SNX6: variants seen among roughly 807,000 people sequenced by gnomAD.
SNX6 encodes the protein sorting nexin-6.
SNX6 carries 34 observed loss-of-function variants against 63.0 expected under a neutral mutation model. That is an observed-to-expected ratio of 0.54 (90% CI 0.41 to 0.72). The LOEUF is 0.72. SNX6 is among the 30% of genes least tolerant of loss of function. SNX6 has a pLI of 0.00. For synonymous variants in SNX6, 170 were observed against 164.2 expected, an observed-to-expected ratio of 1.04 and a Z score of -0.27; for missense variants, 398 against 471.4, an observed-to-expected ratio of 0.84 and a Z score of 1.44.
In SNX6 at chr14:34,562,435, C is replaced by G. The variant is rs1289043689; in HGVS notation, c.*687G>C. The G allele has an allele frequency of 2.0e-5, 3 of 152,580 alleles. No individual in the cohort carries two copies. The highest frequency in any genetic ancestry group is 7.2e-5 in the African/African-American group (3 of 41,438). 9.5% of individuals were successfully genotyped at this position (152,580 alleles called of 1,614,324 possible). On this transcript the variant is annotated 3_prime_UTR_variant, in exon 14 of 14. Coordinates refer to ENST00000362031, the MANE Select transcript of SNX6 (RefSeq NM_152233.4). Reference sequence around the variant, plus strand: ...TAATACAGGAGTAGATTTATTACAGCTACTCCACATTTTCCAGAGTGATAC... The same window carrying G: ...TAATACAGGAGTAGATTTATTACAGGTACTCCACATTTTCCAGAGTGATAC...
At chr14:34,613,393 AG>A (rs1883303837) in intron 2 of SNX6, among the ~76,000 whole-genome samples, 1 of 152,220 alleles carries the variant, frequency 6.6e-6, no homozygotes, top group African/African-American at 2.4e-5. Context: ...TTTATCATAC[AG>A]GTTTTGGAAT....
rs1271983278 is a variant in SNX6 at position 34,630,147 on chromosome 14, G to A, written c.-31C>T. On this transcript the variant is annotated 5_prime_UTR_variant, in exon 1 of 14. Transcript: ENST00000362031. ...CTCCGAGGCGAGGGCCGGCGCAGGCGCGCATCTCCCTGCTGCCGGAGGGAG... is the reference window on the plus strand; with the variant it reads ...CTCCGAGGCGAGGGCCGGCGCAGGCACGCATCTCCCTGCTGCCGGAGGGAG... 5 of 1,300,488 alleles carry A rather than the reference G, an allele frequency of 3.8e-6. No homozygotes were observed. Among genetic ancestry groups the A allele is most frequent in the Non-Finnish European group, 4.9e-6 (5 of 1,029,724 alleles). The allele number at this position is 1,300,488 out of a possible 1,614,324, so 80.6% of individuals were successfully genotyped here. A position where few individuals can be genotyped will look rare whatever the true frequency, so the allele number is the denominator to read the frequency against.
At chr14:34,574,021 G>A (rs1375870374) in intron 11 of SNX6, among the ~76,000 whole-genome samples, 2 of 151,930 alleles carry the variant, frequency 1.3e-5, no homozygotes, top group East Asian at 3.9e-4. Context: ...ATGCTCAATG[G>A]AGGACTTGCA....
At chr14:34,599,488 T>C (rs1407758310) in intron 6 of SNX6, among the ~76,000 whole-genome samples, 4 of 151,508 alleles carry the variant, frequency 2.6e-5, no homozygotes, top group African/African-American at 9.7e-5. Flanking sequence ...CCGCCTATAA[T>C]CCCAGCTACT....
At chr14:34,601,219 C>CTTTT (rs77009422) in intron 6 of SNX6, among the ~76,000 whole-genome samples, 27 of 142,592 alleles carry the variant, frequency 1.9e-4, no homozygotes, top group African/African-American at 5.1e-4. Context: ...AACCCTATTT[C>CTTTT]TTTTTTTTTT....
Position 34,584,046 on chromosome 14 carries a change from C to T in SNX6, c.794+2184G>A, listed in dbSNP as rs143268780. On this transcript the variant is annotated intron_variant, in intron 9 of 13. Coordinates refer to ENST00000362031, the MANE Select transcript of SNX6 (RefSeq NM_152233.4). ...GTTTTTAGTAGAGATGGGGTTTCTC[C>T]ATGTTGGTCAGGCTGGTCTCCAACT... 4.3e-3 allele frequency among the ~76,000 whole-genome samples: 655 copies of T among 152,086 alleles called. 5 individuals are homozygous for T. Among genetic ancestry groups the T allele is most frequent in the African/African-American group, 0.015 (637 of 41,534 alleles).
chr14:34,568,139 C>A, intron 11 of SNX6, 126 bp from the exon 12 acceptor site: 1 of 663,162 alleles, frequency 1.5e-6, no homozygotes, highest in Non-Finnish European at 2.3e-6. Context: ...ATGCCAGTTA[C>A]TCCAATTTTT....
At chr14:34,577,907 G>C (rs1229079618) in intron 10 of SNX6, among the ~76,000 whole-genome samples, 1 of 152,096 alleles carries the variant, frequency 6.6e-6, no homozygotes, top group Non-Finnish European at 1.5e-5. Context: ...AAGCAATGTA[G>C]AAAATGTTAA....
chr14:34,608,756 G>A (rs1883112895), intron 3 of SNX6, among the ~76,000 whole-genome samples: 2 of 152,242 alleles, frequency 1.3e-5, no homozygotes, highest in East Asian at 1.9e-4. Flanking sequence ...GGCTGGGCAC[G>A]GTGGCTCACG....
chr14:34,563,546 G>A (rs1881027411), intron 13 of SNX6, among the ~76,000 whole-genome samples: 1 of 146,598 alleles, frequency 6.8e-6, no homozygotes, highest in South Asian at 2.1e-4. Flanking sequence ...GCGAAAGAGT[G>A]AGACTGCGTC....
At chr14:34,575,512 T>C in intron 11 of SNX6, 1 of 189,778 alleles carries the variant, frequency 5.3e-6, no homozygotes, top group Non-Finnish European at 1.1e-5. Flanking sequence ...AAATTCATTT[T>C]TTTAAAGTTC....
At chr14:34,601,504 G>T (rs943461727) in intron 6 of SNX6, among the ~76,000 whole-genome samples, 1 of 151,960 alleles carries the variant, frequency 6.6e-6, no homozygotes, top group African/African-American at 2.4e-5. Flanking sequence ...ATTATAGGCT[G>T]AGCCACCGTG....
chr14:34,580,265 G>A (rs1020515383), intron 10 of SNX6, among the ~76,000 whole-genome samples: 3 of 152,100 alleles, frequency 2.0e-5, no homozygotes, highest in African/African-American at 4.8e-5. Flanking sequence ...CTGAGGAGAT[G>A]AGGAGGAGAC....
chr14:34,569,521 G>T (rs771374272), intron 11 of SNX6, among the ~76,000 whole-genome samples: 1 of 151,860 alleles, frequency 6.6e-6, no homozygotes, highest in Non-Finnish European at 1.5e-5. Context: ...TCCACCTCCC[G>T]GTTCAAGTGA....
At chr14:34,621,472 G>A (rs1883617630) in intron 2 of SNX6, among the ~76,000 whole-genome samples, 1 of 152,136 alleles carries the variant, frequency 6.6e-6, no homozygotes, top group Non-Finnish European at 1.5e-5. Flanking sequence ...TAGCCACCTG[G>A]ATGTATTCAC....
intron 2 of SNX6, among the ~76,000 whole-genome samples, chr14:34,610,147 C>T (rs1262812309): frequency 6.6e-6 from 1 of 150,510 alleles, no homozygotes; most frequent in Non-Finnish European, 1.5e-5. Flanking sequence ...AATTCAAGAC[C>T]ACCCTGGGAA....
chr14:34,621,947 T>A (rs1883635275), intron 2 of SNX6, among the ~76,000 whole-genome samples: 1 of 144,884 alleles, frequency 6.9e-6, no homozygotes, highest in Non-Finnish European at 1.5e-5. Flanking sequence ...TGGGCATGTC[T>A]TTCCTTTTTT....
rs1471059125 is a variant in SNX6, at chr14:34,565,796, T to G, written c.1167+1890A>C. On this transcript the variant is annotated intron_variant, in intron 13 of 13. Coordinates refer to ENST00000362031, the MANE Select transcript of SNX6 (RefSeq NM_152233.4). ...GCTCCGCCTCCCGGGTTCATGCCAT[T>G]CTCCTGCCTCAGCCTCCTGAGTAGC... Among the ~76,000 whole-genome samples the G allele has an allele frequency of 4.0e-5, 6 of 151,728 alleles. No individual in the cohort carries two copies. The East Asian group carries it at 1.2e-3, about 29-fold the overall frequency.
Position 34,609,705 on chromosome 14 carries a change from G to T in SNX6, c.92C>A (p.Ala31Asp). The T allele has an allele frequency of 6.2e-7, 1 of 1,612,532 alleles. No homozygotes were observed. ...AGCATCAGAAATGTCCACCTGCAGA[G>T]CAGCATCACTTTGAAGATCTACATT... ...AINVDLQSDA[A>D]LQVDISDALS... Residue 31 changes from alanine (A) to aspartate (D), a missense_variant, in exon 3 of 14, where the codon GCT becomes GAT. Physicochemically the swap from Ala to Asp is moderately radical, Grantham distance 126. Coordinates refer to ENST00000362031, the MANE Select transcript of SNX6 (RefSeq NM_152233.4).
Sources: gnomAD v4.1 joint callset for allele counts (sites outside exome capture counted in the v4.1 genomes callset) on GRCh38, gnomAD v4.1.1 for gene constraint, MANE v1.5 for transcripts, NCBI Gene and HGNC (gene_info 2026-07-23, HGNC 2026-07-21) for gene names.